NKAIN3: variants seen among roughly 807,000 people sequenced by gnomAD.
NKAIN3 encodes the protein sodium/potassium-transporting ATPase subunit beta-1-interacting protein 3.
A neutral mutation model predicts 30.2 loss-of-function variants in NKAIN3; 25 were observed. The observed-to-expected ratio is 0.83, with a 90% CI of 0.60 to 1.16. The LOEUF (loss-of-function observed/expected upper bound fraction) is 1.16, where lower values mean the gene tolerates loss of function less well. Ranked by LOEUF, NKAIN3 falls within the 50% of genes most tolerant of loss-of-function variation. The pLI is 0.00. For missense variants in NKAIN3, 225 were observed against 254.1 expected, an observed-to-expected ratio of 0.89 and a Z score of 0.78; for synonymous variants, 91 against 89.6, an observed-to-expected ratio of 1.02 and a Z score of -0.09.
At chr8:62,898,421 G>A (rs1821503478) in intron 4 of NKAIN3, among the ~76,000 whole-genome samples, 2 of 152,112 alleles carry the variant, frequency 1.3e-5, no homozygotes, top group South Asian at 4.1e-4. Context: ...CAGCAACTTG[G>A]ATGGAACTTG....
At chr8:62,901,610 A>G (rs549742616) in intron 4 of NKAIN3, among the ~76,000 whole-genome samples, 1 of 152,314 alleles carries the variant, frequency 6.6e-6, no homozygotes, top group African/African-American at 2.4e-5. Flanking sequence ...TGATTCAGCC[A>G]TACATATCAC....
intron 4 of NKAIN3, among the ~76,000 whole-genome samples, chr8:62,813,037 G>A (rs1008550304): frequency 2.0e-5 from 3 of 151,786 alleles, no homozygotes; most frequent in Non-Finnish European, 4.4e-5. Context: ...TTAATTGAAG[G>A]CCTAAGGCCT....
chr8:62,431,068 T>G (rs1318514057), intron 1 of NKAIN3, among the ~76,000 whole-genome samples: 2 of 151,878 alleles, frequency 1.3e-5, no homozygotes, highest in African/African-American at 4.8e-5. Flanking sequence ...ACTTATAGCA[T>G]TTTACAAATA....
At chr8:62,448,699 G>T (rs1428114361) in intron 1 of NKAIN3, among the ~76,000 whole-genome samples, 1 of 151,934 alleles carries the variant, frequency 6.6e-6, no homozygotes, top group Non-Finnish European at 1.5e-5. Flanking sequence ...AGCTCTGCTA[G>T]TCAATAATGG....
At chr8:62,902,029 G>A (rs1464115602) in intron 4 of NKAIN3, among the ~76,000 whole-genome samples, 1 of 152,204 alleles carries the variant, frequency 6.6e-6, no homozygotes, top group African/African-American at 2.4e-5. Flanking sequence ...TGCCCAGAGG[G>A]TGGTGCCTGA....
intron 3 of NKAIN3, 135 bp downstream of exon 3, chr8:62,589,929 A>C: frequency 2.1e-6 from 1 of 467,410 alleles, no homozygotes; most frequent in Non-Finnish European, 3.8e-6. Flanking sequence ...AGAATGATAA[A>C]ATACTATTCA....
At chr8:62,633,830 G>A (rs1586032091) in intron 3 of NKAIN3, among the ~76,000 whole-genome samples, 1 of 152,070 alleles carries the variant, frequency 6.6e-6, no homozygotes, top group Non-Finnish European at 1.5e-5. Flanking sequence ...TATGAAGAAG[G>A]CAGCCATTCC....
chr8:62,320,694 A>G (rs936937780), intron 1 of NKAIN3, among the ~76,000 whole-genome samples: 2 of 152,254 alleles, frequency 1.3e-5, no homozygotes, highest in African/African-American at 4.8e-5. Context: ...GTTTCTGCCA[A>G]GAGATCAGCT....
At chr8:62,787,880 T>C (rs1586195143) in intron 4 of NKAIN3, among the ~76,000 whole-genome samples, 1 of 152,178 alleles carries the variant, frequency 6.6e-6, no homozygotes, top group South Asian at 2.1e-4. Context: ...TATGGCTGCC[T>C]AGTATTCCAT....
intron 1 of NKAIN3, among the ~76,000 whole-genome samples, chr8:62,292,430 G>T (rs1435252578): frequency 6.6e-6 from 1 of 152,152 alleles, no homozygotes; most frequent in Non-Finnish European, 1.5e-5. Context: ...AGGCAGGCCT[G>T]ATGGTGACAA....
chr8:62,721,057 C>A (rs1815072619), intron 3 of NKAIN3, among the ~76,000 whole-genome samples: 1 of 152,210 alleles, frequency 6.6e-6, no homozygotes, highest in Admixed American at 6.5e-5. Context: ...CTAGGAAAAT[C>A]TTTGCCCTTA....
chr8:62,776,723 G>C (rs1182045849), intron 4 of NKAIN3, among the ~76,000 whole-genome samples: 1 of 151,968 alleles, frequency 6.6e-6, no homozygotes. Context: ...TTCTACTCAA[G>C]TTGTGAGTAG....
intron 1 of NKAIN3, among the ~76,000 whole-genome samples, chr8:62,394,841 C>T (rs150917794): frequency 3.7e-4 from 54 of 144,326 alleles, no homozygotes; most frequent in African/African-American, 1.2e-3. Context: ...CAAGCAGAGG[C>T]GCTGCTCACT....
intron 4 of NKAIN3, among the ~76,000 whole-genome samples, chr8:62,755,604 C>G (rs766774096): frequency 6.6e-6 from 1 of 151,968 alleles, no homozygotes; most frequent in Non-Finnish European, 1.5e-5. Context: ...CATGACCAAC[C>G]TCTCCTGTCC....
chr8:62,335,770 G>A (rs1336999508), intron 1 of NKAIN3, among the ~76,000 whole-genome samples: 4 of 151,924 alleles, frequency 2.6e-5, no homozygotes, highest in African/African-American at 7.2e-5. Context: ...CTGGCTCTCC[G>A]TTTCTCTCTT....
chr8:62,659,209 G>C (rs1413483004), intron 3 of NKAIN3, among the ~76,000 whole-genome samples: 3 of 152,132 alleles, frequency 2.0e-5, no homozygotes, highest in Non-Finnish European at 4.4e-5. Context: ...TACTGAGCTG[G>C]CCTCCAAGAG....
At chr8:62,298,709 A>G (rs1813928836) in intron 1 of NKAIN3, among the ~76,000 whole-genome samples, 1 of 152,068 alleles carries the variant, frequency 6.6e-6, no homozygotes, top group Non-Finnish European at 1.5e-5. Context: ...GGCACTTTTT[A>G]AAAAGAATCT....
chr8:62,975,304 T>C lies in NKAIN3; in HGVS notation c.*9897T>C, dbSNP rs558175349. Among the ~76,000 whole-genome samples the C allele has an allele frequency of 7.7e-4, 117 of 152,224 alleles. No homozygotes were observed. Among genetic ancestry groups the C allele is most frequent in the African/African-American group, 2.6e-3 (110 of 41,548 alleles). ...CCATCTGGTCCTGGGCTTTTTTTTT[T>C]AGTTGGTCAGCTATTAATTACTGCC... On this transcript the variant is annotated 3_prime_UTR_variant, in exon 7 of 7. Transcript: ENST00000623646.
At chr8:62,906,968 G>A (rs943853889) in intron 4 of NKAIN3, among the ~76,000 whole-genome samples, 2 of 152,168 alleles carry the variant, frequency 1.3e-5, no homozygotes, top group Admixed American at 6.5e-5. Flanking sequence ...GGAACAGTTC[G>A]AAGGGCTCAG....
Sources: allele counts gnomAD v4.1 joint callset (sites outside exome capture counted in the v4.1 genomes callset), GRCh38; gene constraint gnomAD v4.1.1; transcripts MANE v1.5; gene names NCBI Gene and HGNC (gene_info 2026-07-23, HGNC 2026-07-21).